Variants in TMEM178B observed in about 807,000 individuals in gnomAD.
TMEM178B encodes the protein transmembrane protein 178B.
A neutral mutation model predicts 31.0 loss-of-function variants in TMEM178B; 5 were observed. That is an observed-to-expected ratio of 0.16 (90% CI 0.08 to 0.34). The LOEUF is 0.34. Among genes scored for constraint, TMEM178B ranks in the 10% least tolerant of loss-of-function variants. The pLI, the probability that TMEM178B is intolerant of heterozygous loss-of-function variation, is 1.00. For missense variants in TMEM178B, 275 were observed against 400.3 expected, an observed-to-expected ratio of 0.69 and a Z score of 2.67; for synonymous variants, 164 against 164.0, an observed-to-expected ratio of 1.00 and a Z score of 0.00.
intron 1 of TMEM178B, among the ~76,000 whole-genome samples, chr7:141,159,895 A>G (rs961029931): frequency 6.6e-6 from 1 of 151,872 alleles, no homozygotes; most frequent in East Asian, 1.9e-4. Context: ...GCTGTGCAAC[A>G]ACATGAATGA....
chr7:141,403,532 CTT>C (rs747316178), intron 2 of TMEM178B, among the ~76,000 whole-genome samples: 1 of 152,176 alleles, frequency 6.6e-6, no homozygotes. Flanking sequence ...AGCTCAGACT[CTT>C]TTGACTGGAG....
chr7:141,123,749 A>C (rs1795445561), intron 1 of TMEM178B, among the ~76,000 whole-genome samples: 1 of 152,026 alleles, frequency 6.6e-6, no homozygotes, highest in Non-Finnish European at 1.5e-5. Flanking sequence ...TCATATAAAT[A>C]GTTAGGTTAG....
chr7:141,493,519 G>A, the TMEM178B span, among the ~76,000 whole-genome samples: 1 of 152,024 alleles, frequency 6.6e-6, no homozygotes, highest in Non-Finnish European at 1.5e-5. Flanking sequence ...CCTAGCAGCT[G>A]GAGCCCACCT....
intron 1 of TMEM178B, among the ~76,000 whole-genome samples, chr7:141,112,838 G>A (rs2129175335): frequency 6.6e-6 from 1 of 152,214 alleles, no homozygotes; most frequent in South Asian, 2.1e-4. Flanking sequence ...ACTTGGCCAG[G>A]GTGATAAATG....
chr7:141,292,688 A>C (rs1360153644), intron 2 of TMEM178B, among the ~76,000 whole-genome samples: 1 of 126,586 alleles, frequency 7.9e-6, no homozygotes. Flanking sequence ...CCCAGGCTGG[A>C]GCACACTGGT....
chr7:141,424,512 A>G (rs985386197), intron 2 of TMEM178B, among the ~76,000 whole-genome samples: 1 of 152,228 alleles, frequency 6.6e-6, no homozygotes, highest in Non-Finnish European at 1.5e-5. Flanking sequence ...CCTCTCTTCC[A>G]TCAGAGCTCC....
intron 2 of TMEM178B, among the ~76,000 whole-genome samples, chr7:141,312,089 A>G (rs1424551982): frequency 6.6e-6 from 1 of 152,196 alleles, no homozygotes; most frequent in East Asian, 1.9e-4. Flanking sequence ...GGGTGGTCTT[A>G]CTTATTCTCA....
At chr7:141,417,572 A>C (rs1188458128) in intron 2 of TMEM178B, among the ~76,000 whole-genome samples, 1 of 152,190 alleles carries the variant, frequency 6.6e-6, no homozygotes. Flanking sequence ...CTTCTTACAG[A>C]ACGGGTGATT....
chr7:141,169,380 C>T lies in TMEM178B; in HGVS notation c.383-43211C>T, dbSNP rs538400539. 8.5e-5 allele frequency among the ~76,000 whole-genome samples: 13 copies of T among 152,316 alleles called. No homozygotes were observed. In the South Asian group the frequency reaches 2.5e-3, roughly 29 times the overall value. On this transcript the variant is annotated intron_variant, in intron 1 of 3. Coordinates refer to ENST00000565468, the MANE Select transcript of TMEM178B (RefSeq NM_001195278.2). ...TTCCTGCAAAGGACATAATATCATT[C>T]TTTTTTATGGCTGCATAGTATTCCA... is the stretch of plus-strand genomic sequence containing the variant.
intron 1 of TMEM178B, among the ~76,000 whole-genome samples, chr7:141,162,466 G>A (rs763712324): frequency 3.1e-4 from 47 of 152,158 alleles, no homozygotes; most frequent in Admixed American, 5.9e-4. Flanking sequence ...AGTAATTGTG[G>A]AATGTTTGAA....
At position 141,143,165 on chromosome 7, in the gene TMEM178B, A is replaced by C. The variant is rs533532575; in HGVS notation, c.382+68473A>C. 1.4e-4 allele frequency among the ~76,000 whole-genome samples: 21 copies of C among 152,318 alleles called. No homozygotes were observed. The South Asian group carries it at 4.1e-3, about 30-fold the overall frequency. ...GTTTGCAAATATTCTTCCATTCTGT[A>C]GGTTGTTTACACCGTTGATAGTTTA... On this transcript the variant is annotated intron_variant, in intron 1 of 3. Transcript: ENST00000565468.
intron 2 of TMEM178B, among the ~76,000 whole-genome samples, chr7:141,322,572 A>G (rs74868528): frequency 0.028 from 4,301 of 152,224 alleles, 74 homozygotes; most frequent in Middle Eastern, 0.058. Flanking sequence ...AACACAAAGA[A>G]TACAGAGTCA....
At chr7:141,183,689 G>A (rs1796565343) in intron 1 of TMEM178B, among the ~76,000 whole-genome samples, 1 of 152,140 alleles carries the variant, frequency 6.6e-6, no homozygotes, top group African/African-American at 2.4e-5. Context: ...GGCCGAGACT[G>A]CATTTTCTTA....
At chr7:141,216,732 G>A (rs1797158489) in intron 2 of TMEM178B, among the ~76,000 whole-genome samples, 1 of 152,138 alleles carries the variant, frequency 6.6e-6, no homozygotes, top group Non-Finnish European at 1.5e-5. Flanking sequence ...TGGGATCCAT[G>A]TCCTTAGTCC....
At chr7:141,154,560 G>A (rs1312918352) in intron 1 of TMEM178B, among the ~76,000 whole-genome samples, 1 of 152,102 alleles carries the variant, frequency 6.6e-6, no homozygotes, top group East Asian at 1.9e-4. Context: ...TCTGGGTCAG[G>A]GCAGCTGTTC....
intron 2 of TMEM178B, among the ~76,000 whole-genome samples, chr7:141,307,316 A>G (rs901142592): frequency 6.6e-6 from 1 of 152,242 alleles, no homozygotes; most frequent in Non-Finnish European, 1.5e-5. Context: ...ATTAACTATC[A>G]CTTTTGTAAT....
At position 141,473,596 on chromosome 7, in the gene TMEM178B, C is replaced by CT. The variant is rs576455829; in HGVS notation, c.*2813dup. On this transcript the variant is annotated 3_prime_UTR_variant, in exon 4 of 4. Coordinates refer to ENST00000565468, the MANE Select transcript of TMEM178B (RefSeq NM_001195278.2). ...ACATTTAGCAAAGCTTACTGCATCC[C>CT]TTTGAAACCTTGAGAGTTCCTGAAA... is the stretch of plus-strand genomic sequence containing the variant. 4.7e-3 allele frequency: 709 copies of CT among 152,296 alleles called. 8 individuals carry two copies. The highest frequency in any genetic ancestry group is 0.017 in the African/African-American group (690 of 41,560). The allele number at this position is 152,296 out of a possible 1,614,324, so 9.4% of individuals were successfully genotyped here.
At chr7:141,361,030 C>T (rs1392294696) in intron 2 of TMEM178B, among the ~76,000 whole-genome samples, 1 of 152,176 alleles carries the variant, frequency 6.6e-6, no homozygotes, top group Non-Finnish European at 1.5e-5. Flanking sequence ...TAGGTCTTCT[C>T]TGGGCAGACA....
intron 2 of TMEM178B, among the ~76,000 whole-genome samples, chr7:141,278,835 A>G (rs182651655): frequency 0.014 from 2,169 of 152,272 alleles, 26 homozygotes; most frequent in Non-Finnish European, 0.023. Flanking sequence ...TTTAAGAATA[A>G]TCGTGTAGAA....
Sources: gnomAD v4.1 joint callset for allele counts (sites outside exome capture counted in the v4.1 genomes callset) on GRCh38, gnomAD v4.1.1 for gene constraint, MANE v1.5 for transcripts, NCBI Gene and HGNC (gene_info 2026-07-23, HGNC 2026-07-21) for gene names.